The following MEIKIN variants were observed in gnomAD, a reference collection of about 807,000 sequenced individuals.
MEIKIN encodes meiosis-specific kinetochore protein.
At chr5:131,834,701 A>C (rs941925698) in intron 11 of MEIKIN, among the ~76,000 whole-genome samples, 2 of 152,200 alleles carry the variant, frequency 1.3e-5, no homozygotes, top group Non-Finnish European at 2.9e-5. Context: ...TTTATCCATT[A>C]ATCTGTCAAT....
chr5:131,844,179 A>G (rs1340197322), intron 11 of MEIKIN, among the ~76,000 whole-genome samples: 1 of 152,172 alleles, frequency 6.6e-6, no homozygotes, highest in South Asian at 2.1e-4. Context: ...CCCATGATTC[A>G]ATCACCTCCC....
intron 5 of MEIKIN, among the ~76,000 whole-genome samples, chr5:131,926,092 T>C (rs1751582549): frequency 6.6e-6 from 1 of 152,234 alleles, no homozygotes; most frequent in African/African-American, 2.4e-5. Context: ...AGGACTATGC[T>C]GAATAAAAGT....
intron 8 of MEIKIN, among the ~76,000 whole-genome samples, chr5:131,900,237 G>T (rs563803519): frequency 4.6e-4 from 70 of 152,354 alleles, no homozygotes; most frequent in African/African-American, 1.6e-3. Flanking sequence ...CTGTCGCTGA[G>T]GGAATGGGAC....
chr5:131,896,639 C>T (rs965220508), intron 8 of MEIKIN, among the ~76,000 whole-genome samples: 5 of 152,114 alleles, frequency 3.3e-5, no homozygotes, highest in African/African-American at 1.2e-4. Context: ...TATGTAATGG[C>T]CTTCTTTGTG....
chr5:131,898,804 T>G (rs1751099177), intron 8 of MEIKIN, among the ~76,000 whole-genome samples: 1 of 152,014 alleles, frequency 6.6e-6, no homozygotes. Flanking sequence ...TGGGCAGGAG[T>G]GTCCCGTTTT....
At chr5:131,885,195 C>T (rs1048024250) in intron 8 of MEIKIN, among the ~76,000 whole-genome samples, 1 of 152,042 alleles carries the variant, frequency 6.6e-6, no homozygotes, top group Non-Finnish European at 1.5e-5. Flanking sequence ...CAGGCAATAG[C>T]CAGGTATTAG....
chr5:131,857,861 C>A (rs1281854146), intron 9 of MEIKIN, among the ~76,000 whole-genome samples: 1 of 152,210 alleles, frequency 6.6e-6, no homozygotes, highest in Non-Finnish European at 1.5e-5. Context: ...GCACACCCTG[C>A]CACCGCTAAT....
chr5:131,846,921 T>C (rs1325499527), intron 11 of MEIKIN, among the ~76,000 whole-genome samples: 3 of 152,204 alleles, frequency 2.0e-5, no homozygotes, highest in African/African-American at 7.2e-5. Flanking sequence ...TTGTATGTCA[T>C]TGAAGTTAAC....
chr5:131,850,722 T>C (rs979359735), intron 11 of MEIKIN, among the ~76,000 whole-genome samples: 1 of 151,604 alleles, frequency 6.6e-6, no homozygotes, highest in Non-Finnish European at 1.5e-5. Context: ...CAAAAAAAAA[T>C]TGAAGAAAAT....
chr5:131,945,340 T>C lies in MEIKIN; in HGVS notation c.106+60A>G, dbSNP rs531448183. 3 of 398,918 alleles carry C rather than the reference T, an allele frequency of 7.5e-6. No individual in the cohort carries two copies. The South Asian group carries it at 3.8e-4, about 51-fold the overall frequency. The allele number at this position is 398,918 out of a possible 1,614,324, so 24.7% of individuals were successfully genotyped here. The stretch of plus-strand genomic sequence containing the variant: ...CGAGGCCTAGCACCCCCGCCCGCCC[T>C]CGGTCCCGTCCCGGAGGCAGCTCGG... On this transcript the variant is annotated intron_variant, in intron 1 of 12. Transcript: ENST00000442687.
chr5:131,881,092 A>G (rs1408107096), intron 8 of MEIKIN, among the ~76,000 whole-genome samples: 1 of 152,212 alleles, frequency 6.6e-6, no homozygotes, highest in African/African-American at 2.4e-5. Context: ...AGATAAAACT[A>G]ATACCAAGAT....
At chr5:131,838,969 A>G (rs1749858741) in intron 11 of MEIKIN, among the ~76,000 whole-genome samples, 1 of 151,944 alleles carries the variant, frequency 6.6e-6, no homozygotes, top group Non-Finnish European at 1.5e-5. Context: ...AAATCTTTCT[A>G]ATTTTTTGAT....
intron 8 of MEIKIN, among the ~76,000 whole-genome samples, chr5:131,903,146 G>T (rs1476218267): frequency 3.2e-4 from 48 of 152,078 alleles, no homozygotes; most frequent in Non-Finnish European, 1.5e-5. Flanking sequence ...AAAAATATGT[G>T]ATTATGTAAA....
At chr5:131,812,335 G>C (rs549610080) in intron 12 of MEIKIN, among the ~76,000 whole-genome samples, 1 of 152,110 alleles carries the variant, frequency 6.6e-6, no homozygotes. Flanking sequence ...ATAGTTTCCA[G>C]CTTGAGGCTA....
chr5:131,935,848 G>T (rs1751767579), intron 4 of MEIKIN, among the ~76,000 whole-genome samples: 2 of 152,078 alleles, frequency 1.3e-5, no homozygotes, highest in Admixed American at 1.3e-4. Context: ...CACTTAAATT[G>T]ACTGACTCAA....
At chr5:131,809,082 CACATATAT>C (rs1178418113) in intron 12 of MEIKIN, among the ~76,000 whole-genome samples, 1 of 151,366 alleles carries the variant, frequency 6.6e-6, no homozygotes, top group Non-Finnish European at 1.5e-5. Context: ...AAAACAAAAA[CACATATAT>C]ACCTCTATTG....
At chr5:131,927,087 G>A (rs974326136) in intron 5 of MEIKIN, among the ~76,000 whole-genome samples, 2 of 151,466 alleles carry the variant, frequency 1.3e-5, no homozygotes, top group African/African-American at 2.4e-5. Flanking sequence ...TGTAACATTA[G>A]CTTATTTGAA....
chr5:131,885,346 A>AGG (rs1750766101), intron 8 of MEIKIN, among the ~76,000 whole-genome samples: 1 of 3,568 alleles, frequency 2.8e-4, no homozygotes, highest in Non-Finnish European at 9.8e-4. Flanking sequence ...ACTGAAAGAG[A>AGG]GAGAGAGAGA....
chr5:131,873,787 A>G (rs1750555302), intron 9 of MEIKIN, among the ~76,000 whole-genome samples: 1 of 152,238 alleles, frequency 6.6e-6, no homozygotes, highest in South Asian at 2.1e-4. Flanking sequence ...AAATTATAAC[A>G]AACTGTCTCT....
Sources: gnomAD v4.1 joint callset for allele counts (sites outside exome capture counted in the v4.1 genomes callset) on GRCh38, gnomAD v4.1.1 for gene constraint, MANE v1.5 for transcripts, NCBI Gene and HGNC (gene_info 2026-07-23, HGNC 2026-07-21) for gene names.